The following TMC1 variants were observed in gnomAD, a reference collection of about 807,000 sequenced individuals.
TMC1 encodes transmembrane channel-like protein 1.
In TMC1, 84 loss-of-function variants were observed where a neutral mutation model predicts 105.8. That is an observed-to-expected ratio of 0.79 (90% CI 0.67 to 0.95). TMC1 has a LOEUF of 0.95. Ranked by LOEUF, TMC1 falls within the 40% of genes least tolerant of loss-of-function variation. The pLI, the probability that TMC1 is intolerant of heterozygous loss-of-function variation, is 0.00. For missense variants in TMC1, 817 were observed against 914.1 expected (o/e 0.89, Z 1.37); for synonymous variants, 315 against 311.5 (o/e 1.01, Z -0.12).
At chr9:72,620,894 G>T (rs1825236910) in intron 3 of TMC1, among the ~76,000 whole-genome samples, 2 of 152,162 alleles carry the variant, frequency 1.3e-5, no homozygotes, top group South Asian at 2.1e-4. Context: ...ATTGCTTTAT[G>T]CTCTGAGTTA....
At chr9:72,617,721 C>T (rs113914454) in intron 3 of TMC1, among the ~76,000 whole-genome samples, 2 of 152,248 alleles carry the variant, frequency 1.3e-5, no homozygotes, top group African/African-American at 4.8e-5. Flanking sequence ...CTGGAAACAA[C>T]CCAAATGTCC....
intron 8 of TMC1, among the ~76,000 whole-genome samples, chr9:72,732,576 A>AT (rs1016527210): frequency 6.6e-6 from 1 of 152,084 alleles, no homozygotes; most frequent in African/African-American, 2.4e-5. Context: ...AAAAAAAAAA[A>AT]AAAAAAGATA....
intron 12 of TMC1, among the ~76,000 whole-genome samples, chr9:72,757,827 A>G (rs982338272): frequency 1.3e-5 from 2 of 152,230 alleles, no homozygotes; most frequent in Admixed American, 6.5e-5. Flanking sequence ...CCTTATTACA[A>G]GAACCATAAC....
At chr9:72,721,801 A>G (rs1332575804) in intron 8 of TMC1, among the ~76,000 whole-genome samples, 1 of 152,212 alleles carries the variant, frequency 6.6e-6, no homozygotes, top group African/African-American at 2.4e-5. Flanking sequence ...CAAATAATTC[A>G]GCCAACTCAC....
intron 1 of TMC1, among the ~76,000 whole-genome samples, chr9:72,542,731 G>A (rs1416972621): frequency 6.6e-6 from 1 of 151,630 alleles, no homozygotes; most frequent in African/African-American, 2.4e-5. Flanking sequence ...CCAGGCTGGA[G>A]TGCAATGGCA....
rs181911700 is a variant in TMC1, at chr9:72,584,796, T to G, written c.-306+6773T>G. Among the ~76,000 whole-genome samples, 70 of 146,962 alleles carry G rather than the reference T, an allele frequency of 4.8e-4. 1 individual carries two copies. Among genetic ancestry groups the G allele is most frequent in the Middle Eastern group, 3.5e-3 (1 of 288 alleles). ...TTTCTTTTCTTTTCTTTTTTTTTTT[T>G]TTTTTTGAGACAGGGTCTCGCTTCG... is the stretch of plus-strand genomic sequence containing the variant. On this transcript the variant is annotated intron_variant, in intron 2 of 23. Coordinates refer to ENST00000297784, the MANE Select transcript of TMC1 (RefSeq NM_138691.3).
intron 2 of TMC1, among the ~76,000 whole-genome samples, chr9:72,579,464 C>A (rs963851693): frequency 1.3e-5 from 2 of 152,176 alleles, no homozygotes; most frequent in African/African-American, 4.8e-5. Context: ...TCAAGGAAAT[C>A]TCCACTTCTA....
At chr9:72,798,818 G>A (rs140603944) in intron 17 of TMC1, among the ~76,000 whole-genome samples, 5 of 152,020 alleles carry the variant, frequency 3.3e-5, no homozygotes, top group African/African-American at 1.2e-4. Context: ...AGCTTCACAT[G>A]TACTACTAAA....
At chr9:72,667,305 C>G (rs1340917578) in intron 5 of TMC1, among the ~76,000 whole-genome samples, 2 of 152,112 alleles carry the variant, frequency 1.3e-5, no homozygotes, top group African/African-American at 2.4e-5. Context: ...CTTCACTGCC[C>G]TTTCCCTCCC....
At chr9:72,546,365 GA>G (rs769668653) in intron 1 of TMC1, among the ~76,000 whole-genome samples, 3 of 152,100 alleles carry the variant, frequency 2.0e-5, no homozygotes, top group Non-Finnish European at 4.4e-5. Flanking sequence ...CAAAAAGTTA[GA>G]AAAAACCACT....
Position 72,792,064 on chromosome 9 carries a change from A to G in TMC1, c.1403A>G (p.Lys468Arg), listed in dbSNP as rs753108960. ...GCATTAATGGATGAGATTAACAACA[A>G]GGTAAGCCTTGTTTCTGGATTGTCC... is the stretch of plus-strand genomic sequence containing the variant. ...ILALMDEINNKIEEEKLVKAN... is the reference protein window; with the variant it reads ...ILALMDEINNRIEEEKLVKAN... The change falls in exon 16 of 24, where the codon AAG becomes AGG. Residue 468 changes from lysine (K) to arginine (R), a missense_variant and splice_region_variant. By Grantham distance (26) the Lys-to-Arg change is conservative. Coordinates refer to ENST00000297784, the MANE Select transcript of TMC1 (RefSeq NM_138691.3). 6.2e-7 allele frequency: 1 copy of G among 1,614,108 alleles called. No homozygotes were observed. Among genetic ancestry groups the G allele is most frequent in the Admixed American group, 1.7e-5 (1 of 60,026 alleles).
intron 18 of TMC1, among the ~76,000 whole-genome samples, chr9:72,805,909 T>C (rs1024273022): frequency 7.9e-5 from 12 of 152,166 alleles, no homozygotes; most frequent in Non-Finnish European, 1.3e-4. Flanking sequence ...GTTTTCTTAG[T>C]ACAGAACAAA....
chr9:72,826,754 T>C (rs964310694), intron 20 of TMC1, 115 bp from the exon 21 acceptor site: 33 of 1,121,900 alleles, frequency 2.9e-5, no homozygotes, highest in Admixed American at 5.2e-5. Flanking sequence ...ATCAGATTCC[T>C]ACCCTGAAAG....
At chr9:72,725,000 A>G (rs1384994791) in intron 8 of TMC1, among the ~76,000 whole-genome samples, 1 of 152,084 alleles carries the variant, frequency 6.6e-6, no homozygotes, top group African/African-American at 2.4e-5. Context: ...ACAAAATAAG[A>G]TTAATCAGAG....
intron 4 of TMC1, among the ~76,000 whole-genome samples, chr9:72,630,242 T>G (rs1564455940): frequency 6.6e-6 from 1 of 152,116 alleles, no homozygotes; most frequent in Non-Finnish European, 1.5e-5. Context: ...TAGTACACAA[T>G]TACATGTTAA....
intron 1 of TMC1, among the ~76,000 whole-genome samples, chr9:72,550,392 C>T (rs1371425275): frequency 6.6e-6 from 1 of 151,018 alleles, no homozygotes; most frequent in Non-Finnish European, 1.5e-5. Flanking sequence ...CTTCAAGGAA[C>T]CCAGGAAGCA....
intron 15 of TMC1, 114 bp downstream of exon 15, chr9:72,789,431 G>T: frequency 1.0e-6 from 1 of 979,648 alleles, no homozygotes; most frequent in South Asian, 1.4e-5. Context: ...CCCCTATCCT[G>T]CCCTTACAGT....
intron 13 of TMC1, among the ~76,000 whole-genome samples, chr9:72,774,164 C>A (rs142249387): frequency 5.1e-4 from 77 of 152,218 alleles, no homozygotes; most frequent in African/African-American, 1.5e-3. Context: ...TATGGTTATG[C>A]AGTTGTACAT....
chr9:72,690,418 A>G (rs1186778591), intron 6 of TMC1, among the ~76,000 whole-genome samples: 2 of 152,022 alleles, frequency 1.3e-5, no homozygotes, highest in Non-Finnish European at 2.9e-5. Flanking sequence ...ATTTACCTTT[A>G]CCAGACAGTT....
Sources: gnomAD v4.1 joint callset for allele counts (sites outside exome capture counted in the v4.1 genomes callset) on GRCh38, gnomAD v4.1.1 for gene constraint, MANE v1.5 for transcripts, NCBI Gene and HGNC (gene_info 2026-07-23, HGNC 2026-07-21) for gene names.